The following CSMD3 variants were observed in gnomAD, a reference collection of about 807,000 sequenced individuals.
CSMD3 encodes the protein CUB and sushi domain-containing protein 3.
Under a neutral mutation model 435.2 loss-of-function variants are expected in CSMD3, and 177 were observed. That is an observed-to-expected ratio of 0.41 (90% CI 0.36 to 0.46). The LOEUF is 0.46. CSMD3 is among the 20% of genes least tolerant of loss of function. CSMD3 has a pLI of 0.34. For missense variants in CSMD3, 4,265 were observed against 4,504.6 expected, an observed-to-expected ratio of 0.95 and a Z score of 1.52; for synonymous variants, 1,656 against 1,520.5, an observed-to-expected ratio of 1.09 and a Z score of -2.07.
intron 52 of CSMD3, among the ~76,000 whole-genome samples, chr8:112,304,249 A>G (rs1821200523): frequency 6.6e-6 from 1 of 152,164 alleles, no homozygotes. Context: ...ATTTGGAATC[A>G]GAGAGAATAA....
At chr8:112,862,158 G>A (rs1339408917) in intron 10 of CSMD3, among the ~76,000 whole-genome samples, 1 of 151,922 alleles carries the variant, frequency 6.6e-6, no homozygotes, top group African/African-American at 2.4e-5. Context: ...ACAATCACCT[G>A]TAAATATTTT....
At chr8:112,408,478 T>C in intron 33 of CSMD3, 65 bp from the exon 34 acceptor site, 3 of 973,418 alleles carry the variant, frequency 3.1e-6, no homozygotes, top group Non-Finnish European at 5.0e-6. Context: ...TAACAAATTA[T>C]ATTATAATCT....
At chr8:112,402,606 T>C (rs998380045) in intron 35 of CSMD3, among the ~76,000 whole-genome samples, 4 of 152,154 alleles carry the variant, frequency 2.6e-5, no homozygotes, top group Admixed American at 6.5e-5. Context: ...TTTTACAGCA[T>C]TGATATTTTC....
intron 5 of CSMD3, among the ~76,000 whole-genome samples, chr8:113,085,026 C>A (rs1215410394): frequency 1.3e-5 from 2 of 151,912 alleles, no homozygotes; most frequent in African/African-American, 2.4e-5. Context: ...TAGAAGAATG[C>A]ATACGAAACA....
intron 17 of CSMD3, among the ~76,000 whole-genome samples, chr8:112,663,827 T>C (rs555661478): frequency 1.5e-3 from 226 of 152,218 alleles, no homozygotes; most frequent in Non-Finnish European, 2.8e-3. Flanking sequence ...TGAAAGAAAG[T>C]GATGCAAATG....
intron 3 of CSMD3, among the ~76,000 whole-genome samples, chr8:113,205,468 C>A (rs2092760345): frequency 6.6e-6 from 1 of 152,142 alleles, no homozygotes; most frequent in Non-Finnish European, 1.5e-5. Context: ...GATTTGTAGA[C>A]TAGGAGCAAT....
intron 13 of CSMD3, among the ~76,000 whole-genome samples, chr8:112,783,481 G>GGAA (rs2078452245): frequency 9.5e-6 from 1 of 104,972 alleles, no homozygotes; most frequent in Non-Finnish European, 2.0e-5. Context: ...AAGGAAGGAA[G>GGAA]GGAGAGAAGG....
chr8:113,039,714 G>T (rs866879706), intron 5 of CSMD3, among the ~76,000 whole-genome samples: 1 of 152,108 alleles, frequency 6.6e-6, no homozygotes, highest in Non-Finnish European at 1.5e-5. Flanking sequence ...ATTGTATCAG[G>T]ACTATTTAAA....
At chr8:112,835,726 T>C (rs1371206528) in intron 11 of CSMD3, among the ~76,000 whole-genome samples, 3 of 151,840 alleles carry the variant, frequency 2.0e-5, no homozygotes, top group African/African-American at 7.2e-5. Flanking sequence ...GGGGCAACAG[T>C]GGTTGTAATA....
In CSMD3 at chr8:113,098,977, C is replaced by CA; in HGVS notation, c.710-15dup. ...AAGCATCTTCAGCTGTTAAAAATGA[C>CA]AAAATATTCAGTTGTAAGTTATTGA... is the stretch of plus-strand genomic sequence containing the variant. On this transcript the variant is annotated splice_polypyrimidine_tract_variant and intron_variant, in intron 4 of 70. Transcript: ENST00000297405. The CA allele has an allele frequency of 6.5e-7, 1 of 1,527,258 alleles. No homozygotes were observed. The highest frequency in any genetic ancestry group is 9.1e-7 in the Non-Finnish European group (1 of 1,101,894). The allele number at this position is 1,527,258 out of a possible 1,614,324, so 94.6% of individuals were successfully genotyped here. A position where few individuals can be genotyped will look rare whatever the true frequency, so the allele number is the denominator to read the frequency against.
chr8:113,211,559 T>C (rs2092834868), intron 3 of CSMD3, among the ~76,000 whole-genome samples: 1 of 151,980 alleles, frequency 6.6e-6, no homozygotes, highest in African/African-American at 2.4e-5. Flanking sequence ...CATCATGGCG[T>C]GTGCTTGTAA....
intron 1 of CSMD3, chr8:113,377,030 GGGGT>G: frequency 2.3e-6 from 3 of 1,305,642 alleles, no homozygotes; most frequent in South Asian, 2.8e-5. Flanking sequence ...GGGTGGGGTG[GGGGT>G]GGGGCGGAGC....
At chr8:113,407,627 C>T (rs193148961) in intron 1 of CSMD3, among the ~76,000 whole-genome samples, 6 of 151,752 alleles carry the variant, frequency 4.0e-5, no homozygotes, top group South Asian at 2.1e-4. Flanking sequence ...GTTTGTAGCA[C>T]GGCCAATTTG....
At chr8:112,320,556 T>C (rs1240529125) in intron 45 of CSMD3, among the ~76,000 whole-genome samples, 1 of 151,830 alleles carries the variant, frequency 6.6e-6, no homozygotes, top group Non-Finnish European at 1.5e-5. Flanking sequence ...TTGTTACATA[T>C]GTATACATGT....
intron 45 of CSMD3, among the ~76,000 whole-genome samples, chr8:112,322,957 A>G (rs1823140180): frequency 6.6e-6 from 1 of 152,042 alleles, no homozygotes; most frequent in Admixed American, 6.6e-5. Flanking sequence ...TTTCTTCAAG[A>G]GGGAAGCAGT....
At chr8:113,407,466 C>T (rs78093691) in intron 1 of CSMD3, among the ~76,000 whole-genome samples, 2,761 of 152,138 alleles carry the variant, frequency 0.018, 96 homozygotes, top group African/African-American at 0.061. Flanking sequence ...ACTGCATAGA[C>T]TCAATTTGCA....
intron 13 of CSMD3, among the ~76,000 whole-genome samples, chr8:112,751,593 CA>C (rs1415686698): frequency 6.7e-6 from 1 of 149,892 alleles, no homozygotes; most frequent in Non-Finnish European, 1.5e-5. Context: ...ATACCTATTC[CA>C]ATCACTATAC....
chr8:112,999,049 T>C (rs915583901), intron 6 of CSMD3, among the ~76,000 whole-genome samples: 1 of 151,984 alleles, frequency 6.6e-6, no homozygotes, highest in African/African-American at 2.4e-5. Flanking sequence ...CCATTCTATC[T>C]CTTCAATTTA....
intron 5 of CSMD3, among the ~76,000 whole-genome samples, chr8:113,049,292 T>C (rs1295234681): frequency 6.6e-6 from 1 of 151,302 alleles, no homozygotes; most frequent in East Asian, 1.9e-4. Context: ...CTCTGAACAC[T>C]CCAAAAGTTT....
Sources: allele counts gnomAD v4.1 joint callset (sites outside exome capture counted in the v4.1 genomes callset), GRCh38; gene constraint gnomAD v4.1.1; transcripts MANE v1.5; gene names NCBI Gene and HGNC (gene_info 2026-07-23, HGNC 2026-07-21).